GABRG3: variants seen among roughly 807,000 people sequenced by gnomAD.
The protein encoded by GABRG3 is gamma-aminobutyric acid type A receptor subunit gamma3.
Under a neutral mutation model 48.8 loss-of-function variants are expected in GABRG3, and 25 were observed. The observed-to-expected ratio is 0.51, with a 90% CI of 0.37 to 0.72. The LOEUF (loss-of-function observed/expected upper bound fraction) is 0.72. GABRG3 is among the 30% of genes least tolerant of loss of function. The probability of loss-of-function intolerance (pLI) is 0.00; values close to 1 mark genes in which losing one functional copy is unlikely to be tolerated. For missense variants in GABRG3, 394 were observed against 577.9 expected, an observed-to-expected ratio of 0.68 and a Z score of 3.26; for synonymous variants, 227 against 217.6, an observed-to-expected ratio of 1.04 and a Z score of -0.38.
chr15:27,540,861 A>T lies in GABRG3; in HGVS notation c.*7980A>T, dbSNP rs1595820577. 6.6e-6 allele frequency: 1 copy of T among 152,198 alleles called. No homozygotes were observed. The highest frequency in any genetic ancestry group is 1.9e-4 in the East Asian group (1 of 5,196). 9.4% of individuals were successfully genotyped at this position (152,198 alleles called of 1,614,324 possible). On this transcript the variant is annotated 3_prime_UTR_variant, in exon 10 of 10. Coordinates refer to ENST00000615808, the MANE Select transcript of GABRG3 (RefSeq NM_033223.5). ...ATTTGTGTCTGTACGTACAGTGGTA[A>T]AACTGAAACAACTTATTAATAATGT... is the stretch of plus-strand genomic sequence containing the variant.
intron 5 of GABRG3, among the ~76,000 whole-genome samples, chr15:27,444,219 C>T (rs79895987): frequency 0.014 from 2,182 of 152,174 alleles, 57 homozygotes; most frequent in African/African-American, 0.05. Context: ...TCATGTTTTT[C>T]AAATCTTCTT....
intron 3 of GABRG3, among the ~76,000 whole-genome samples, chr15:27,229,205 A>C (rs113444413): frequency 0.074 from 11,305 of 152,204 alleles, 483 homozygotes; most frequent in East Asian, 0.2. Flanking sequence ...TGGGTTTTAC[A>C]TTTAAGTCTT....
intron 3 of GABRG3, among the ~76,000 whole-genome samples, chr15:27,214,680 A>G (rs1889183486): frequency 7.0e-6 from 1 of 141,928 alleles, no homozygotes; most frequent in African/African-American, 2.7e-5. Flanking sequence ...TCTAACTGAA[A>G]CTCTCACATC....
chr15:27,173,319 A>G (rs936548804), intron 3 of GABRG3, among the ~76,000 whole-genome samples: 1 of 152,160 alleles, frequency 6.6e-6, no homozygotes, highest in African/African-American at 2.4e-5. Flanking sequence ...ACAGCAAAGA[A>G]CTATTGCATC....
chr15:27,355,430 G>A (rs1370562517), intron 5 of GABRG3, among the ~76,000 whole-genome samples: 1 of 152,160 alleles, frequency 6.6e-6, no homozygotes, highest in Non-Finnish European at 1.5e-5. Context: ...CACATGAGAT[G>A]CCACTTCCCA....
At chr15:27,161,101 G>A (rs967717284) in intron 3 of GABRG3, 1 of 152,150 alleles carries the variant, frequency 6.6e-6, no homozygotes, top group African/African-American at 2.4e-5. Flanking sequence ...CGGGAATCTT[G>A]AGTTCTCTTT....
At chr15:27,266,765 A>T (rs1420785385) in intron 3 of GABRG3, among the ~76,000 whole-genome samples, 4 of 151,056 alleles carry the variant, frequency 2.6e-5, no homozygotes, top group African/African-American at 9.7e-5. Flanking sequence ...ATTTATGCTC[A>T]TGTATTTTAC....
At chr15:27,385,691 T>C (rs190863403) in intron 5 of GABRG3, among the ~76,000 whole-genome samples, 40 of 152,320 alleles carry the variant, frequency 2.6e-4, no homozygotes, top group Non-Finnish European at 5.3e-4. Context: ...TTATTTACTG[T>C]CCTTTCAAAT....
rs1200161849 is a variant in GABRG3, at chr15:27,180,323, G to C, written c.271-146486G>C. 6.6e-6 allele frequency among the ~76,000 whole-genome samples: 1 copy of C among 151,554 alleles called. No homozygotes were observed. The highest frequency in any genetic ancestry group is 1.5e-5 in the Non-Finnish European group (1 of 67,882). On this transcript the variant is annotated intron_variant, in intron 3 of 9. Transcript: ENST00000615808. The surrounding 1 kb of genome is among the most constrained non-coding windows in gnomAD (Gnocchi z 4.2). Reference sequence around the variant, plus strand: ...AAACGGGCAAATGGCTTGAGTGAAAGGAAAAAAAAATGAGATTGAACAAGA... The same window carrying C: ...AAACGGGCAAATGGCTTGAGTGAAACGAAAAAAAAATGAGATTGAACAAGA...
At position 27,319,667 on chromosome 15, in the gene GABRG3, A is replaced by T. The variant is rs192497625; in HGVS notation, c.271-7142A>T. On this transcript the variant is annotated intron_variant, in intron 3 of 9. Transcript: ENST00000615808. The surrounding 1 kb of genome is among the most constrained non-coding windows in gnomAD (Gnocchi z 4.4). The stretch of plus-strand genomic sequence containing the variant: ...GGGTGTCCAGGCGTGGGCAGAGCAC[A>T]AATGGGATGGGGAGGAAGGGAGGTC... 6.6e-6 allele frequency among the ~76,000 whole-genome samples: 1 copy of T among 152,240 alleles called. No individual in the cohort carries two copies. Among genetic ancestry groups the T allele is most frequent in the Non-Finnish European group, 1.5e-5 (1 of 68,004 alleles).
rs145405871 is a variant in GABRG3, at chr15:27,050,127, A to G, written c.270+23306A>G. 6.2e-3 allele frequency among the ~76,000 whole-genome samples: 944 copies of G among 152,376 alleles called. 13 individuals carry two copies. The highest frequency in any genetic ancestry group is 0.021 in the African/African-American group (873 of 41,582). ...ACATCCCGTTCTGATACCTATGTAT[A>G]TGCAGATTCTAAAGTGAGATTTAGT... On this transcript the variant is annotated intron_variant, in intron 3 of 9. Coordinates refer to ENST00000615808, the MANE Select transcript of GABRG3 (RefSeq NM_033223.5).
chr15:27,121,368 A>G (rs892744242), intron 3 of GABRG3, among the ~76,000 whole-genome samples: 5 of 152,240 alleles, frequency 3.3e-5, no homozygotes, highest in African/African-American at 1.2e-4. Flanking sequence ...TAACAGCTTC[A>G]GAGATGAGAG....
intron 3 of GABRG3, among the ~76,000 whole-genome samples, chr15:27,320,959 G>A (rs1387944629): frequency 2.6e-5 from 4 of 152,178 alleles, no homozygotes; most frequent in African/African-American, 9.7e-5. Context: ...GTGCCCCTCT[G>A]TGGCAACAGG....
chr15:27,076,996 G>A (rs539378454), intron 3 of GABRG3, among the ~76,000 whole-genome samples: 39 of 152,320 alleles, frequency 2.6e-4, no homozygotes, highest in Middle Eastern at 6.8e-3. Context: ...GAGCATTCAG[G>A]TGACCTGCTC....
chr15:27,527,440 C>G lies in GABRG3; in HGVS notation c.873C>G (p.Thr291=). ...TACCCGTCCCCTGTTCAGGCATCAC[C>G]ACGGTGCTGACCATGACCACCCTGA... ...ATPARTALGI[T]TVLTMTTLST... is the part of the protein sequence containing the mutation. Residue 291 remains threonine (T), a synonymous_variant, in exon 8 of 10, where the codon ACC becomes ACG. Coordinates refer to ENST00000615808, the MANE Select transcript of GABRG3 (RefSeq NM_033223.5). 1 of 1,613,484 alleles carries G rather than the reference C, an allele frequency of 6.2e-7. No individual in the cohort carries two copies. Among genetic ancestry groups the G allele is most frequent in the Non-Finnish European group, 8.5e-7 (1 of 1,179,766 alleles).
At chr15:27,429,546 C>T (rs1396191233) in intron 5 of GABRG3, among the ~76,000 whole-genome samples, 1 of 152,110 alleles carries the variant, frequency 6.6e-6, no homozygotes, top group African/African-American at 2.4e-5. Context: ...TTTTCATCAC[C>T]CTAAAAATAA....
At chr15:27,234,224 A>G (rs118163827) in intron 3 of GABRG3, among the ~76,000 whole-genome samples, 3,700 of 152,286 alleles carry the variant, frequency 0.024, 67 homozygotes, top group Non-Finnish European at 0.037. Context: ...TTGGAAATAA[A>G]AACAAGCCTC....
At chr15:27,354,529 C>T (rs1279189754) in intron 5 of GABRG3, among the ~76,000 whole-genome samples, 1 of 152,200 alleles carries the variant, frequency 6.6e-6, no homozygotes, top group Admixed American at 6.5e-5. Context: ...TGTGTGGATG[C>T]AGGGCTTGAA....
intron 2 of GABRG3, among the ~76,000 whole-genome samples, chr15:27,020,633 G>A (rs1294918141): frequency 6.6e-6 from 1 of 151,922 alleles, no homozygotes; most frequent in Non-Finnish European, 1.5e-5. Context: ...TAGCCAGGAT[G>A]GTCTCGATCT....
Sources: gnomAD v4.1 joint callset for allele counts (sites outside exome capture counted in the v4.1 genomes callset) on GRCh38, gnomAD v4.1.1 for gene constraint, Gnocchi (gnomAD v3.1) non-coding constraint, MANE v1.5 for transcripts, NCBI Gene and HGNC (gene_info 2026-07-23, HGNC 2026-07-21) for gene names.